The following SDK1 variants were observed in gnomAD, a reference collection of about 807,000 sequenced individuals.
SDK1 encodes the protein protein sidekick-1.
In SDK1, 157 loss-of-function variants were observed where a neutral mutation model predicts 245.5. The ratio of observed to expected loss-of-function variants is 0.64; its 90% confidence interval spans 0.56 to 0.73. The LOEUF (loss-of-function observed/expected upper bound fraction) is 0.73. Ranked by LOEUF, SDK1 falls within the 30% of genes least tolerant of loss-of-function variation. The pLI, the probability that SDK1 is intolerant of heterozygous loss-of-function variation, is 0.00. For synonymous variants in SDK1, 1,647 were observed against 1,278.5 expected, an observed-to-expected ratio of 1.29 and a Z score of -6.15; for missense variants, 3,583 against 3,002.3, an observed-to-expected ratio of 1.19 and a Z score of -4.52.
At chr7:3,911,078 A>G (rs577033174) in intron 5 of SDK1, among the ~76,000 whole-genome samples, 2 of 151,970 alleles carry the variant, frequency 1.3e-5, no homozygotes, top group African/African-American at 4.8e-5. Flanking sequence ...TTTTGGGGGG[A>G]CTAGGGTGGC....
At chr7:3,409,297 GTTTTTTTTT>G (rs5881980) in intron 1 of SDK1, among the ~76,000 whole-genome samples, 3,002 of 136,884 alleles carry the variant, frequency 0.022, 104 homozygotes, top group African/African-American at 0.068. Flanking sequence ...TTCTATTATG[GTTTTTTTTT>G]TTTTTTTGGA....
chr7:3,474,821 G>C (rs1781302653), intron 1 of SDK1, among the ~76,000 whole-genome samples: 1 of 152,236 alleles, frequency 6.6e-6, no homozygotes, highest in Admixed American at 6.5e-5. Context: ...CTCTTCAATG[G>C]TGGGGACTAT....
intron 17 of SDK1, among the ~76,000 whole-genome samples, chr7:4,027,820 G>T (rs1349401378): frequency 1.3e-5 from 2 of 152,114 alleles, no homozygotes; most frequent in Non-Finnish European, 2.9e-5. Context: ...CACAGACTCT[G>T]TGGGCTTTAA....
intron 5 of SDK1, among the ~76,000 whole-genome samples, chr7:3,950,295 GC>G (rs977728853): frequency 1.3e-5 from 2 of 152,140 alleles, no homozygotes; most frequent in African/African-American, 4.8e-5. Context: ...TCAGGTAGGG[GC>G]CATGAAATTT....
In SDK1 at chr7:3,971,526, C is replaced by T. The variant is rs368048544; in HGVS notation, c.1775C>T (p.Thr592Met). ...GTGGTGATTAAGGGGACCACGGCCA[C>T]GCTGCACTGTGGTGCCACACATGAC... is the stretch of plus-strand genomic sequence containing the variant. ...DHVVIKGTTA[T>M]LHCGATHDPR... is the part of the protein sequence containing the mutation. The change falls in exon 12 of 45, where the codon ACG becomes ATG. Residue 592 changes from threonine (T) to methionine (M), a missense_variant. Thr to Met is a moderately conservative substitution (Grantham distance 81, BLOSUM62 -1). Transcript: ENST00000404826. 1.5e-5 allele frequency: 25 copies of T among 1,613,606 alleles called. No individual in the cohort carries two copies. Among genetic ancestry groups the T allele is most frequent in the East Asian group, 2.2e-5 (1 of 44,894 alleles).
intron 4 of SDK1, among the ~76,000 whole-genome samples, chr7:3,803,681 T>G (rs1004268520): frequency 6.6e-6 from 1 of 151,996 alleles, no homozygotes; most frequent in Admixed American, 6.6e-5. Flanking sequence ...ATTCTAGATA[T>G]GTATGCTTTA....
chr7:4,194,235 T>C (rs1783411876), intron 35 of SDK1, among the ~76,000 whole-genome samples: 1 of 151,286 alleles, frequency 6.6e-6, no homozygotes, highest in Non-Finnish European at 1.5e-5. Flanking sequence ...CGTATGTGTA[T>C]ACATGTATAG....
At chr7:4,001,101 G>A (rs921565846) in intron 14 of SDK1, among the ~76,000 whole-genome samples, 11 of 152,184 alleles carry the variant, frequency 7.2e-5, no homozygotes, top group Non-Finnish European at 1.5e-4. Context: ...ACAGGATGGT[G>A]TAACTTCCTG....
chr7:3,761,260 CTTTTT>C lies in SDK1; in HGVS notation c.714-60174_714-60170del, dbSNP rs71029692. Among the ~76,000 whole-genome samples the C allele has an allele frequency of 6.1e-4, 57 of 93,730 alleles. 2 individuals carry two copies. The highest frequency in any genetic ancestry group is 2.0e-3 in the African/African-American group (46 of 23,576). The allele number at this position is 93,730 out of a possible 152,430, so 61.5% of individuals were successfully genotyped here. On this transcript the variant is annotated intron_variant, in intron 4 of 44. Transcript: ENST00000404826. ...TTTTTTTTTTATCAAGCCCCCCCTC[CTTTTT>C]TTTTTTTTTTTTTTTGCTCTTGCTG...
chr7:3,315,015 G>A (rs575395453), intron 1 of SDK1, among the ~76,000 whole-genome samples: 2 of 152,206 alleles, frequency 1.3e-5, no homozygotes, highest in East Asian at 3.9e-4. Flanking sequence ...GGAGCAAGCT[G>A]GGTTGGCTAG....
intron 1 of SDK1, among the ~76,000 whole-genome samples, chr7:3,336,575 G>C (rs1306871754): frequency 2.0e-5 from 3 of 152,180 alleles, no homozygotes; most frequent in Non-Finnish European, 4.4e-5. Context: ...ATGAGGTATG[G>C]AGGAGCGGAG....
At chr7:3,864,310 G>C (rs1463801453) in intron 5 of SDK1, among the ~76,000 whole-genome samples, 1 of 151,974 alleles carries the variant, frequency 6.6e-6, no homozygotes, top group African/African-American at 2.4e-5. Flanking sequence ...TGTTTTTATA[G>C]TCAATCATTT....
intron 5 of SDK1, among the ~76,000 whole-genome samples, chr7:3,918,543 G>T (rs1186710981): frequency 6.6e-6 from 1 of 152,172 alleles, no homozygotes; most frequent in Non-Finnish European, 1.5e-5. Context: ...GGCTCCCACT[G>T]ATTCTACGTG....
At chr7:3,563,932 TAAATAAC>T (rs1307436465) in intron 1 of SDK1, among the ~76,000 whole-genome samples, 6 of 151,942 alleles carry the variant, frequency 3.9e-5, no homozygotes, top group African/African-American at 1.4e-4. Flanking sequence ...GGTTACAAAT[TAAATAAC>T]ATATTTCTAA....
At chr7:4,205,591 G>T (rs772923705) in intron 35 of SDK1, among the ~76,000 whole-genome samples, 1 of 152,128 alleles carries the variant, frequency 6.6e-6, no homozygotes, top group Non-Finnish European at 1.5e-5. Flanking sequence ...TTATTTTTCT[G>T]TGCAATTCTA....
intron 1 of SDK1, among the ~76,000 whole-genome samples, chr7:3,521,236 C>T (rs1782926926): frequency 1.3e-5 from 2 of 152,190 alleles, no homozygotes; most frequent in Non-Finnish European, 2.9e-5. Flanking sequence ...TTTTACTTCC[C>T]TTCTGCTACA....
chr7:3,501,664 G>C (rs979252910), intron 1 of SDK1, among the ~76,000 whole-genome samples: 1 of 152,054 alleles, frequency 6.6e-6, no homozygotes, highest in African/African-American at 2.4e-5. Flanking sequence ...TTTTCCAGTT[G>C]ATTATAAATT....
chr7:3,832,904 G>T (rs1779945192), intron 5 of SDK1, among the ~76,000 whole-genome samples: 1 of 151,984 alleles, frequency 6.6e-6, no homozygotes, highest in Non-Finnish European at 1.5e-5. Flanking sequence ...GTATAAGAAA[G>T]CCTGTGACCT....
intron 1 of SDK1, among the ~76,000 whole-genome samples, chr7:3,397,329 T>G (rs1778741103): frequency 6.6e-6 from 1 of 152,022 alleles, no homozygotes; most frequent in African/African-American, 2.4e-5. Context: ...TTTGAATTAC[T>G]TCAGCTGGAA....
Sources: gnomAD v4.1 joint callset for allele counts (sites outside exome capture counted in the v4.1 genomes callset) on GRCh38, gnomAD v4.1.1 for gene constraint, MANE v1.5 for transcripts, NCBI Gene and HGNC (gene_info 2026-07-23, HGNC 2026-07-21) for gene names.